Variants in NRP2 observed in about 807,000 individuals in gnomAD.
NRP2 encodes neuropilin 2.
In NRP2, 52 loss-of-function variants were observed where a neutral mutation model predicts 110.4. The observed-to-expected ratio is 0.47, with a 90% CI of 0.38 to 0.59. The LOEUF is 0.59. Ranked by LOEUF, NRP2 falls within the 20% of genes least tolerant of loss-of-function variation. NRP2 has a pLI of 0.00. For missense variants in NRP2, 1,049 were observed against 1,203.0 expected, an observed-to-expected ratio of 0.87 and a Z score of 1.89; for synonymous variants, 508 against 468.9, an observed-to-expected ratio of 1.08 and a Z score of -1.08.
At chr2:205,791,513 C>T (rs2058301395) in intron 15 of NRP2, among the ~76,000 whole-genome samples, 1 of 152,114 alleles carries the variant, frequency 6.6e-6, no homozygotes, top group Non-Finnish European at 1.5e-5. Flanking sequence ...GTATTATCAC[C>T]CTCCCAAATT....
At chr2:205,685,725 T>A (rs1043635400) in intron 1 of NRP2, 48 of 152,386 alleles carry the variant, frequency 3.1e-4, no homozygotes, top group African/African-American at 1.0e-3. Context: ...TGCGCTCCGC[T>A]CTGCGCGGCA....
chr2:205,718,883 A>G (rs1012635458), intron 3 of NRP2, among the ~76,000 whole-genome samples: 2 of 151,288 alleles, frequency 1.3e-5, no homozygotes, highest in African/African-American at 4.9e-5. Context: ...AGGAGGTGGC[A>G]GTGAGCCGAG....
intron 16 of NRP2, among the ~76,000 whole-genome samples, chr2:205,794,175 A>G (rs2058330700): frequency 6.6e-6 from 1 of 152,128 alleles, no homozygotes; most frequent in African/African-American, 2.4e-5. Flanking sequence ...CAGTGGCGCA[A>G]TCTCGGCTCA....
At chr2:205,717,138 A>AGTGT (rs34734985) in intron 3 of NRP2, among the ~76,000 whole-genome samples, 48,040 of 151,792 alleles carry the variant, frequency 0.32, 8,166 homozygotes, top group Middle Eastern at 0.43. Context: ...AGCTACACTC[A>AGTGT]AGCTCTCCCA....
chr2:205,751,595 G>T (rs1320994137), intron 11 of NRP2, among the ~76,000 whole-genome samples: 2 of 152,100 alleles, frequency 1.3e-5, no homozygotes, highest in African/African-American at 4.8e-5. Flanking sequence ...TAAATATCCT[G>T]TCCTGGAAAG....
Position 205,749,938 on chromosome 2 carries a change from A to T in NRP2, c.1903+97A>T. On this transcript the variant is annotated intron_variant, in intron 11 of 16. Transcript: ENST00000357785. The stretch of plus-strand genomic sequence containing the variant: ...GGGACCTAGTGGTCCCCCAGATCAG[A>T]GATCCAGGGGATCTCAAAGAAGTGG... 3 of 934,830 alleles carry T rather than the reference A, an allele frequency of 3.2e-6. No homozygotes were observed. The South Asian group carries it at 4.0e-5, about 12-fold the overall frequency. The allele number at this position is 934,830 out of a possible 1,614,324, so 57.9% of individuals were successfully genotyped here. A position where few individuals can be genotyped will look rare whatever the true frequency, so the allele number is the denominator to read the frequency against.
intron 7 of NRP2, among the ~76,000 whole-genome samples, chr2:205,731,544 C>T (rs989683351): frequency 1.7e-4 from 26 of 152,142 alleles, no homozygotes; most frequent in Admixed American, 1.4e-3. Context: ...TGACAGGACA[C>T]GGGGGAGAGA....
intron 3 of NRP2, among the ~76,000 whole-genome samples, chr2:205,721,964 G>A (rs2057021850): frequency 6.6e-6 from 1 of 152,136 alleles, no homozygotes; most frequent in African/African-American, 2.4e-5. Context: ...GGAGAAGGGG[G>A]CACTTCGTTG....
intron 6 of NRP2, among the ~76,000 whole-genome samples, 192 bp downstream of exon 6, chr2:205,726,274 G>A (rs1439757983): frequency 6.6e-6 from 1 of 152,248 alleles, no homozygotes; most frequent in Non-Finnish European, 1.5e-5. Flanking sequence ...ACTGATCAGA[G>A]GGAGCCTGCC....
At chr2:205,766,717 C>A in intron 14 of NRP2, 66 bp from the exon 15 acceptor site, 1 of 1,376,522 alleles carries the variant, frequency 7.3e-7, no homozygotes, top group Non-Finnish European at 1.0e-6. Flanking sequence ...TCCAATTATT[C>A]ACTCTATGTT....
chr2:205,752,696 T>G, intron 11 of NRP2, 139 bp from the exon 12 acceptor site: 1 of 897,944 alleles, frequency 1.1e-6, no homozygotes, highest in Non-Finnish European at 1.8e-6. Flanking sequence ...CCAAGATGAG[T>G]TAAATGAATA....
At chr2:205,710,943 T>C (rs558211992) in intron 2 of NRP2, among the ~76,000 whole-genome samples, 2 of 152,338 alleles carry the variant, frequency 1.3e-5, no homozygotes, top group African/African-American at 2.4e-5. Context: ...AGTTGATTTG[T>C]TTGCCGCTAA....
intron 7 of NRP2, among the ~76,000 whole-genome samples, chr2:205,731,332 T>G (rs532365615): frequency 1.3e-5 from 2 of 152,358 alleles, no homozygotes; most frequent in African/African-American, 4.8e-5. Flanking sequence ...CATGGCATTG[T>G]TAATACAACA....
intron 9 of NRP2, chr2:205,743,809 T>G: frequency 1.6e-6 from 1 of 613,236 alleles, no homozygotes. Context: ...AGTGGCCTGT[T>G]CTCGGCTCAC....
At chr2:205,713,131 G>T (rs2056831112) in intron 2 of NRP2, among the ~76,000 whole-genome samples, 1 of 152,256 alleles carries the variant, frequency 6.6e-6, no homozygotes, top group East Asian at 1.9e-4. Flanking sequence ...GGGCAGCCCT[G>T]CTTCATTGCT....
rs2057488279 is a variant in NRP2 at position 205,743,749 on chromosome 2, T to TTTGC, written c.1641+200_1641+201insCTTG. The TTTGC allele has an allele frequency of 7.6e-6, 9 of 1,185,612 alleles. 1 individual carries two copies. The South Asian group carries it at 1.3e-4, about 18-fold the overall frequency. The allele number at this position is 1,185,612 out of a possible 1,614,324, so 73.4% of individuals were successfully genotyped here. On this transcript the variant is annotated intron_variant, in intron 9 of 16. Coordinates refer to ENST00000357785, the MANE Select transcript of NRP2 (RefSeq NM_003872.3). ...ACCTTATTTCTGACTCTTTTGTTTG[T>TTTGC]TTGTTTGTTTGTTTTTGAGATGGAG...
chr2:205,750,840 G>A (rs1353559121), intron 11 of NRP2, among the ~76,000 whole-genome samples: 3 of 152,220 alleles, frequency 2.0e-5, no homozygotes, highest in Admixed American at 6.5e-5. Context: ...TTGACAGTTA[G>A]AGGAACTACA....
chr2:205,690,507 G>A (rs1482182521), intron 1 of NRP2, among the ~76,000 whole-genome samples: 1 of 151,488 alleles, frequency 6.6e-6, no homozygotes, highest in Non-Finnish European at 1.5e-5. Flanking sequence ...AGGAGGAGGT[G>A]GGCAGATCAC....
intron 12 of NRP2, among the ~76,000 whole-genome samples, chr2:205,754,965 T>C (rs2057710572): frequency 6.6e-6 from 1 of 152,168 alleles, no homozygotes; most frequent in South Asian, 2.1e-4. Context: ...TTGACTCTTC[T>C]AAGCATATTT....
Sources: allele counts gnomAD v4.1 joint callset (sites outside exome capture counted in the v4.1 genomes callset), GRCh38; gene constraint gnomAD v4.1.1; transcripts MANE v1.5; gene names NCBI Gene and HGNC (gene_info 2026-07-23, HGNC 2026-07-21).